FOXN3: variants seen among roughly 807,000 people sequenced by gnomAD.
The protein encoded by FOXN3 is forkhead box protein N3.
A neutral mutation model predicts 38.4 loss-of-function variants in FOXN3; 7 were observed. The observed-to-expected ratio is 0.18, with a 90% CI of 0.10 to 0.34. FOXN3 has a LOEUF of 0.34. Ranked by LOEUF, FOXN3 falls within the 10% of genes least tolerant of loss-of-function variation. The pLI is 1.00. For missense variants in FOXN3, 456 were observed against 613.4 expected (o/e 0.74, Z 2.71); for synonymous variants, 230 against 242.2 (o/e 0.95, Z 0.47).
chr14:89,535,901 T>C (rs1894675242), intron 1 of FOXN3, among the ~76,000 whole-genome samples: 1 of 152,202 alleles, frequency 6.6e-6, no homozygotes. Flanking sequence ...TATATGCCCA[T>C]AGAAACATAA....
chr14:89,524,354 A>T (rs1894385421), intron 1 of FOXN3, among the ~76,000 whole-genome samples: 1 of 123,308 alleles, frequency 8.1e-6, no homozygotes, highest in Non-Finnish European at 1.7e-5. Context: ...CAGCCTGGCG[A>T]CAGCAAGACT....
intron 2 of FOXN3, among the ~76,000 whole-genome samples, chr14:89,397,797 CAA>C (rs1335307834): frequency 6.6e-6 from 1 of 152,158 alleles, no homozygotes; most frequent in Non-Finnish European, 1.5e-5. Flanking sequence ...TCCCCATCTG[CAA>C]AGAGCATATA....
At chr14:89,222,134 G>T (rs1015314342) in intron 4 of FOXN3, among the ~76,000 whole-genome samples, 1 of 152,170 alleles carries the variant, frequency 6.6e-6, no homozygotes, top group East Asian at 1.9e-4. Context: ...CTTTTCTTGA[G>T]AACTTAGTTG....
chr14:89,234,027 C>T (rs756336885), intron 4 of FOXN3, among the ~76,000 whole-genome samples: 9 of 133,546 alleles, frequency 6.7e-5, no homozygotes, highest in Non-Finnish European at 1.2e-4. Flanking sequence ...CGTCAACCTA[C>T]ATACAGGATA....
chr14:89,502,724 G>C (rs1893828622), intron 1 of FOXN3, among the ~76,000 whole-genome samples: 1 of 152,134 alleles, frequency 6.6e-6, no homozygotes, highest in Non-Finnish European at 1.5e-5. Flanking sequence ...AAGTGTCGGG[G>C]GGAAAGAAGG....
intron 3 of FOXN3, chr14:89,284,659 C>A: frequency 2.3e-6 from 1 of 439,770 alleles, no homozygotes. Context: ...AACGCCAGTG[C>A]CACAAATGTC....
At position 89,180,718 on chromosome 14, in the gene FOXN3, C is replaced by T; in HGVS notation, c.834G>A (p.Gly278=). 6.2e-7 allele frequency: 1 copy of T among 1,610,376 alleles called. No homozygotes were observed. Among genetic ancestry groups the T allele is most frequent in the Admixed American group, 1.7e-5 (1 of 59,648 alleles). ...GVRPLPITPI[G]VTAAMRNGIT... is the part of the protein sequence containing the mutation. The stretch of plus-strand genomic sequence containing the variant: ...CCACTTACCTCATGGCCGCTGTCAC[C>T]CCAATGGGAGTGATTGGCAGCGGCC... The change falls in exon 5 of 6, where the codon GGG becomes GGA. Residue 278 remains glycine (G), a synonymous_variant. Transcript: ENST00000557258.
chr14:89,437,398 G>A (rs992447891), intron 1 of FOXN3, among the ~76,000 whole-genome samples: 2 of 152,080 alleles, frequency 1.3e-5, no homozygotes, highest in Non-Finnish European at 2.9e-5. Context: ...ACCTCCAAGG[G>A]GGACAAATAT....
At chr14:89,217,043 A>T (rs1380238346) in intron 4 of FOXN3, among the ~76,000 whole-genome samples, 1 of 152,136 alleles carries the variant, frequency 6.6e-6, no homozygotes, top group Non-Finnish European at 1.5e-5. Flanking sequence ...TTTTAGGAGG[A>T]TCCTGGGTAA....
chr14:89,396,404 T>C (rs919581719), intron 2 of FOXN3, among the ~76,000 whole-genome samples: 4 of 152,322 alleles, frequency 2.6e-5, no homozygotes, highest in South Asian at 2.1e-4. Context: ...TTTTACCAAG[T>C]CACTTTCACT....
intron 1 of FOXN3, among the ~76,000 whole-genome samples, chr14:89,533,272 A>G (rs2075925483): frequency 6.6e-6 from 1 of 152,198 alleles, no homozygotes; most frequent in Admixed American, 6.5e-5. Flanking sequence ...GACCTAAGAA[A>G]ACATGAATGC....
chr14:89,553,682 C>T (rs934023517), intron 1 of FOXN3, among the ~76,000 whole-genome samples: 19 of 152,070 alleles, frequency 1.2e-4, no homozygotes, highest in African/African-American at 4.3e-4. Context: ...ATCGCTCATC[C>T]GGAAGTCAGG....
intron 1 of FOXN3, among the ~76,000 whole-genome samples, chr14:89,515,671 G>A (rs1894185668): frequency 6.6e-6 from 1 of 152,176 alleles, no homozygotes; most frequent in South Asian, 2.1e-4. Context: ...AGGAGGTGGA[G>A]GTTGCAGTGA....
chr14:89,615,743 T>C (rs545069162), intron 1 of FOXN3, among the ~76,000 whole-genome samples: 1 of 152,370 alleles, frequency 6.6e-6, no homozygotes, highest in South Asian at 2.1e-4. Context: ...TACCAAGTCC[T>C]AATCAGTTAA....
intron 2 of FOXN3, among the ~76,000 whole-genome samples, chr14:89,406,111 TA>T: frequency 6.6e-6 from 1 of 152,182 alleles, no homozygotes. Flanking sequence ...AATGCCCAGC[TA>T]ATTTTTTTAT....
At chr14:89,282,391 G>A (rs1017079365) in intron 3 of FOXN3, among the ~76,000 whole-genome samples, 4 of 152,162 alleles carry the variant, frequency 2.6e-5, no homozygotes, top group African/African-American at 9.7e-5. Context: ...CCACAGAGTG[G>A]CCAGGAGCTT....
At chr14:89,246,560 T>TTTTTTTTG (rs397934554) in intron 4 of FOXN3, among the ~76,000 whole-genome samples, 2 of 148,238 alleles carry the variant, frequency 1.3e-5, no homozygotes, top group Admixed American at 6.8e-5. Context: ...TTTTTTTTTT[T>TTTTTTTTG]GAGACAGTCT....
chr14:89,476,141 G>T (rs568859351), intron 1 of FOXN3, among the ~76,000 whole-genome samples: 1 of 152,272 alleles, frequency 6.6e-6, no homozygotes, highest in South Asian at 2.1e-4. Flanking sequence ...TCGGATGTTT[G>T]CATGTCACAA....
chr14:89,179,835 G>A (rs1413205797), intron 5 of FOXN3, among the ~76,000 whole-genome samples: 1 of 152,224 alleles, frequency 6.6e-6, no homozygotes, highest in Non-Finnish European at 1.5e-5. Context: ...AGGGTGAGGG[G>A]AATCTATGCA....
Sources: allele counts gnomAD v4.1 joint callset (sites outside exome capture counted in the v4.1 genomes callset), GRCh38; gene constraint gnomAD v4.1.1; transcripts MANE v1.5; gene names NCBI Gene and HGNC (gene_info 2026-07-23, HGNC 2026-07-21).